Variants in NAALADL2 observed in about 807,000 individuals in gnomAD.
The protein encoded by NAALADL2 is N-acetylated alpha-linked acidic dipeptidase like 2.
In NAALADL2, 76 loss-of-function variants were observed where a neutral mutation model predicts 87.2. The ratio of observed to expected loss-of-function variants is 0.87; its 90% CI spans 0.72 to 1.05. The LOEUF (loss-of-function observed/expected upper bound fraction) is 1.05. Among genes scored for constraint, NAALADL2 ranks in the 50% least tolerant of loss-of-function variants. The pLI is 0.00. For synonymous variants in NAALADL2, 354 were observed against 331.0 expected (o/e 1.07, Z -0.75); for missense variants, 1,089 against 945.8 (o/e 1.15, Z -1.99).
intron 10 of NAALADL2, among the ~76,000 whole-genome samples, chr3:175,589,659 A>C (rs1169723891): frequency 6.6e-6 from 1 of 152,036 alleles, no homozygotes; most frequent in Non-Finnish European, 1.5e-5. Flanking sequence ...GTTTGCCTGC[A>C]TTGTTTTGTT....
chr3:175,372,650 G>A (rs937471918), intron 5 of NAALADL2, among the ~76,000 whole-genome samples: 3 of 152,174 alleles, frequency 2.0e-5, no homozygotes, highest in African/African-American at 7.2e-5. Context: ...TGCCTCATTG[G>A]CCTTAACTAA....
chr3:175,179,755 A>G (rs1274254354), intron 2 of NAALADL2, among the ~76,000 whole-genome samples: 1 of 151,898 alleles, frequency 6.6e-6, no homozygotes, highest in Non-Finnish European at 1.5e-5. Context: ...TACATTTTCT[A>G]TTTTTATATT....
chr3:174,629,278 G>A (rs914250726), intron 2 of NAALADL2, among the ~76,000 whole-genome samples: 8 of 152,108 alleles, frequency 5.3e-5, no homozygotes, highest in African/African-American at 1.9e-4. Flanking sequence ...TTAATTCGAG[G>A]GGTATGACAT....
intron 11 of NAALADL2, among the ~76,000 whole-genome samples, chr3:175,733,400 A>G (rs1286119007): frequency 6.6e-6 from 1 of 152,134 alleles, no homozygotes; most frequent in African/African-American, 2.4e-5. Context: ...CTGTTTTTAA[A>G]ACCATCAGAT....
chr3:174,941,850 A>G (rs376796246), intron 1 of NAALADL2, among the ~76,000 whole-genome samples: 135 of 151,874 alleles, frequency 8.9e-4, no homozygotes, highest in African/African-American at 3.1e-3. Context: ...TTCCATTTGC[A>G]TGGTGGATTT....
rs530750377 is a variant in NAALADL2, at chr3:174,839,828, TA to T, written c.-9+102092del. Reference sequence around the variant, plus strand: ...CTTACTCCTGAACGAATGGCCATAATAAAAAAAAAATAATAAAAAAAAATAG... The same window carrying T: ...CTTACTCCTGAACGAATGGCCATAATAAAAAAAAATAATAAAAAAAAATAG... On this transcript the variant is annotated intron_variant, in intron 3 of 3. Coordinates refer to the NAALADL2 transcript ENST00000434257. Among the ~76,000 whole-genome samples the T allele has an allele frequency of 4.0e-3, 584 of 146,860 alleles. 2 individuals carry two copies. The highest frequency in any genetic ancestry group is 0.021 in the Middle Eastern group (6 of 290).
chr3:175,425,245 G>C (rs192946773), intron 5 of NAALADL2, among the ~76,000 whole-genome samples: 4 of 152,184 alleles, frequency 2.6e-5, no homozygotes, highest in Admixed American at 2.0e-4. Flanking sequence ...TGTAACGTGA[G>C]GTTCTGTAGG....
intron 2 of NAALADL2, among the ~76,000 whole-genome samples, chr3:174,611,238 C>T (rs1296307410): frequency 6.6e-6 from 1 of 151,774 alleles, no homozygotes; most frequent in Non-Finnish European, 1.5e-5. Flanking sequence ...ATGGGTGCAG[C>T]ACACCAGTAT....
At chr3:174,830,715 G>T (rs552640825) in intron 3 of NAALADL2, among the ~76,000 whole-genome samples, 1 of 152,024 alleles carries the variant, frequency 6.6e-6, no homozygotes, top group Non-Finnish European at 1.5e-5. Context: ...CCATTTTCAC[G>T]ATATTGATTC....
At chr3:175,037,912 C>G (rs1000467144) in intron 1 of NAALADL2, among the ~76,000 whole-genome samples, 1 of 152,104 alleles carries the variant, frequency 6.6e-6, no homozygotes, top group South Asian at 2.1e-4. Flanking sequence ...TGAATGAAGC[C>G]TCTGCTGCCT....
intron 2 of NAALADL2, among the ~76,000 whole-genome samples, chr3:174,641,501 C>G (rs1723183139): frequency 1.3e-5 from 2 of 152,144 alleles, no homozygotes; most frequent in Admixed American, 1.3e-4. Flanking sequence ...CTGACAGAAT[C>G]AAGGACACAC....
At chr3:174,832,278 G>A (rs1722814377) in intron 3 of NAALADL2, among the ~76,000 whole-genome samples, 3 of 152,068 alleles carry the variant, frequency 2.0e-5, no homozygotes, top group African/African-American at 7.2e-5. Context: ...ACACTGCTTT[G>A]AATGTGTCCC....
chr3:175,180,436 AG>A (rs1303561099), intron 2 of NAALADL2, among the ~76,000 whole-genome samples: 14 of 151,950 alleles, frequency 9.2e-5, no homozygotes, highest in Non-Finnish European at 1.8e-4. Flanking sequence ...TTCCAGTAAA[AG>A]TGGGCACACA....
intron 1 of NAALADL2, among the ~76,000 whole-genome samples, chr3:175,025,252 AG>A (rs1202171239): frequency 6.6e-6 from 1 of 152,078 alleles, no homozygotes; most frequent in Non-Finnish European, 1.5e-5. Flanking sequence ...GAAAAAAAAA[AG>A]TTTTCATGTG....
At chr3:174,641,987 G>T (rs912292321) in intron 2 of NAALADL2, among the ~76,000 whole-genome samples, 2 of 152,010 alleles carry the variant, frequency 1.3e-5, no homozygotes, top group African/African-American at 2.4e-5. Flanking sequence ...TCAAACTCCT[G>T]GGCTGAAGCA....
rs113500019 is a variant in NAALADL2 at position 175,405,985 on chromosome 3, G to A, written c.1091-41244G>A. Among the ~76,000 whole-genome samples, 100 of 152,214 alleles carry A rather than the reference G, an allele frequency of 6.6e-4. 2 individuals are homozygous for A. The highest frequency in any genetic ancestry group is 3.4e-3 in the Middle Eastern group (1 of 292). On this transcript the variant is annotated intron_variant, in intron 5 of 13. Transcript: ENST00000454872. ...AAGGTCCAGGCAGTGCTAGAAGTGC[G>A]GGGAACATAGTAAGTGCTGATGATT...
intron 5 of NAALADL2, among the ~76,000 whole-genome samples, chr3:175,413,021 C>A (rs1311091052): frequency 4.7e-5 from 7 of 149,800 alleles, no homozygotes; most frequent in African/African-American, 7.4e-5. Context: ...CGGGTTCATG[C>A]CATTCTCCTG....
chr3:175,799,353 T>G (rs552836281), intron 13 of NAALADL2, among the ~76,000 whole-genome samples: 27 of 152,118 alleles, frequency 1.8e-4, no homozygotes, highest in Non-Finnish European at 3.2e-4. Context: ...AATTAAAATA[T>G]TTTTAATCCA....
At chr3:174,933,186 C>G (rs534363995) in intron 1 of NAALADL2, among the ~76,000 whole-genome samples, 1 of 152,272 alleles carries the variant, frequency 6.6e-6, no homozygotes, top group South Asian at 2.1e-4. Context: ...GCCTTTTTAC[C>G]CTTCTAATTA....
Sources: allele counts gnomAD v4.1 joint callset (sites outside exome capture counted in the v4.1 genomes callset), GRCh38; gene constraint gnomAD v4.1.1; transcripts MANE v1.5; gene names NCBI Gene and HGNC (gene_info 2026-07-23, HGNC 2026-07-21).